PLOD2: variants seen among roughly 807,000 people sequenced by gnomAD.
PLOD2 encodes the protein lysine hydroxylase 2.
In PLOD2, 65 loss-of-function variants were observed where a neutral mutation model predicts 101.0. The observed-to-expected ratio is 0.64, with a 90% confidence interval of 0.53 to 0.79. The LOEUF is 0.79. Ranked by LOEUF, PLOD2 falls within the 30% of genes least tolerant of loss-of-function variation. The pLI, the probability that PLOD2 is intolerant of heterozygous loss-of-function variation, is 0.00. For synonymous variants in PLOD2, 314 were observed against 302.9 expected (o/e 1.04, Z -0.38); for missense variants, 909 against 914.6 (o/e 0.99, Z 0.08).
intron 3 of PLOD2, among the ~76,000 whole-genome samples, chr3:146,111,158 G>A (rs1322408653): frequency 6.6e-6 from 1 of 152,094 alleles, no homozygotes; most frequent in East Asian, 1.9e-4. Flanking sequence ...AAAATGTGAA[G>A]TATAACAGCC....
In PLOD2 at chr3:146,103,826, T is replaced by TAC. The variant is rs3059069; in HGVS notation, c.679+451_679+452dup. ...ACATATGCATATCCACACGAGCATG[T>TAC]ACACACACACACACACACACACACA... On this transcript the variant is annotated intron_variant, in intron 6 of 19. Coordinates refer to ENST00000282903, the MANE Select transcript of PLOD2 (RefSeq NM_182943.3). 4.0e-3 allele frequency among the ~76,000 whole-genome samples: 581 copies of TAC among 146,596 alleles called. 6 individuals are homozygous for TAC. Among genetic ancestry groups the TAC allele is most frequent in the African/African-American group, 0.013 (511 of 39,578 alleles).
At chr3:146,122,158 C>T (rs547312902) in intron 2 of PLOD2, among the ~76,000 whole-genome samples, 1 of 152,298 alleles carries the variant, frequency 6.6e-6, no homozygotes, top group Non-Finnish European at 1.5e-5. Context: ...ATCTTGCTGG[C>T]AAAGCCTGTG....
chr3:146,129,267 C>T (rs1024767032), intron 1 of PLOD2, among the ~76,000 whole-genome samples: 22 of 152,058 alleles, frequency 1.4e-4, no homozygotes, highest in African/African-American at 5.3e-4. Context: ...CCTTATGGGC[C>T]ACATACACTG....
rs201887294 is a variant in PLOD2, at chr3:146,085,153, G to A, written c.1232+16C>T. ...ATCATTTTAACAATAAATTGATATC[G>A]AATTTTAGAAAGTACCTGTTTTGTT... On this transcript the variant is annotated intron_variant, in intron 11 of 19. Coordinates refer to ENST00000282903, the MANE Select transcript of PLOD2 (RefSeq NM_182943.3). 17 of 1,120,554 alleles carry A rather than the reference G, an allele frequency of 1.5e-5. No homozygotes were observed. Among genetic ancestry groups the A allele is most frequent in the South Asian group, 1.0e-4 (8 of 79,856 alleles). 69.4% of individuals were successfully genotyped at this position (1,120,554 alleles called of 1,614,324 possible).
At chr3:146,124,640 A>G (rs2030436548) in intron 1 of PLOD2, among the ~76,000 whole-genome samples, 1 of 135,934 alleles carries the variant, frequency 7.4e-6, no homozygotes, top group Admixed American at 7.7e-5. Flanking sequence ...AGCAAATTAC[A>G]TTCATCAAAA....
chr3:146,085,125 A>G (rs1465864966), intron 11 of PLOD2, 44 bp downstream of exon 11: 2 of 913,604 alleles, frequency 2.2e-6, no homozygotes, highest in African/African-American at 3.3e-5. Context: ...AATATGAAAA[A>G]TAATCATTTT....
chr3:146,103,462 T>TG (rs1281930058), intron 6 of PLOD2, among the ~76,000 whole-genome samples: 1 of 145,002 alleles, frequency 6.9e-6, no homozygotes, highest in East Asian at 2.0e-4. Flanking sequence ...TTGTGGGAAT[T>TG]TTTTTTTTTT....
chr3:146,133,576 G>A (rs746808403), intron 1 of PLOD2, among the ~76,000 whole-genome samples: 1 of 152,104 alleles, frequency 6.6e-6, no homozygotes, highest in Non-Finnish European at 1.5e-5. Context: ...TAAAAAAGGT[G>A]GGAGCTGCTC....
chr3:146,119,390 G>A lies in PLOD2; in HGVS notation c.338+1722C>T, dbSNP rs146338516. On this transcript the variant is annotated intron_variant, in intron 3 of 19. Coordinates refer to ENST00000282903, the MANE Select transcript of PLOD2 (RefSeq NM_182943.3). ...TATGCAGTCTCAGGAATTTGTAGCA[G>A]CACAAGAACTGATTAATACAATAGT... 7.2e-3 allele frequency among the ~76,000 whole-genome samples: 1,094 copies of A among 152,108 alleles called. 13 individuals are homozygous for A. Among genetic ancestry groups the A allele is most frequent in the African/African-American group, 0.025 (1,036 of 41,488 alleles).
At chr3:146,148,337 C>T (rs868344985) in intron 1 of PLOD2, among the ~76,000 whole-genome samples, 4 of 82,230 alleles carry the variant, frequency 4.9e-5, no homozygotes, top group Non-Finnish European at 7.8e-5. Context: ...CAGGCAGGCA[C>T]GCACACACAC....
chr3:146,135,020 C>T (rs2108115652), intron 1 of PLOD2, among the ~76,000 whole-genome samples: 1 of 152,326 alleles, frequency 6.6e-6, no homozygotes, highest in African/African-American at 2.4e-5. Context: ...GAAGTCATAA[C>T]TTTCATTTAC....
chr3:146,138,896 C>T (rs551045450), intron 1 of PLOD2, among the ~76,000 whole-genome samples: 1 of 151,948 alleles, frequency 6.6e-6, no homozygotes, highest in African/African-American at 2.4e-5. Context: ...CTGTGTTGCC[C>T]AACTTTAAAT....
At chr3:146,108,321 C>G (rs1937571227) in intron 4 of PLOD2, among the ~76,000 whole-genome samples, 1 of 151,886 alleles carries the variant, frequency 6.6e-6, no homozygotes, top group Non-Finnish European at 1.5e-5. Flanking sequence ...GCTAGGACCA[C>G]AGCCATGTGC....
At chr3:146,090,879 T>A (rs1242692215) in intron 8 of PLOD2, among the ~76,000 whole-genome samples, 2 of 151,778 alleles carry the variant, frequency 1.3e-5, no homozygotes, top group Admixed American at 1.3e-4. Flanking sequence ...CTGCTGTAGA[T>A]ACTCAATGAA....
At chr3:146,134,123 C>G (rs1485589580) in intron 1 of PLOD2, among the ~76,000 whole-genome samples, 1 of 151,942 alleles carries the variant, frequency 6.6e-6, no homozygotes, top group Non-Finnish European at 1.5e-5. Flanking sequence ...GAAGAGAAAA[C>G]AATACTAGAT....
intron 15 of PLOD2, among the ~76,000 whole-genome samples, chr3:146,074,582 C>A (rs2107997325): frequency 6.6e-6 from 1 of 151,284 alleles, no homozygotes; most frequent in East Asian, 1.9e-4. Flanking sequence ...TCATTATTCC[C>A]TCTAATATTA....
At chr3:146,148,338 GCACA>G (rs71158220) in intron 1 of PLOD2, among the ~76,000 whole-genome samples, 142 of 146,466 alleles carry the variant, frequency 9.7e-4, no homozygotes, top group East Asian at 4.0e-3. Context: ...AGGCAGGCAC[GCACA>G]CACACACACA....
At chr3:146,076,916 G>A (rs1473450405) in intron 14 of PLOD2, 21 bp from the exon 15 acceptor site, 8 of 1,461,550 alleles carry the variant, frequency 5.5e-6, no homozygotes, top group Non-Finnish European at 7.7e-6. Context: ...GAAAATAACA[G>A]TATTAATCTT....
At chr3:146,157,268 AAAAATGAAT>A (rs2032345571) in intron 1 of PLOD2, among the ~76,000 whole-genome samples, 1 of 152,120 alleles carries the variant, frequency 6.6e-6, no homozygotes. Context: ...TGAAGAGCAT[AAAAATGAAT>A]AAAACTCAGC....
Sources: gnomAD v4.1 joint callset for allele counts (sites outside exome capture counted in the v4.1 genomes callset) on GRCh38, gnomAD v4.1.1 for gene constraint, MANE v1.5 for transcripts, NCBI Gene and HGNC (gene_info 2026-07-23, HGNC 2026-07-21) for gene names.